VPS13A: variants seen among roughly 807,000 people sequenced by gnomAD.
The protein encoded by VPS13A is intermembrane lipid transfer protein VPS13A.
Under a neutral mutation model 390.9 loss-of-function variants are expected in VPS13A, and 264 were observed. The observed-to-expected ratio is 0.68, with a 90% CI of 0.61 to 0.75. The LOEUF is 0.75. Ranked by LOEUF, VPS13A falls within the 30% of genes least tolerant of loss-of-function variation. VPS13A has a pLI of 0.00. For missense variants in VPS13A, 3,409 were observed against 3,733.9 expected (o/e 0.91, Z 2.27); for synonymous variants, 1,231 against 1,227.1 (o/e 1.00, Z -0.07).
At chr9:77,322,157 C>T (rs1829783231) in intron 44 of VPS13A, among the ~76,000 whole-genome samples, 1 of 150,080 alleles carries the variant, frequency 6.7e-6, no homozygotes, top group Non-Finnish European at 1.5e-5. Flanking sequence ...TGAATTCATG[C>T]AGATGGCAAT....
At chr9:77,244,039 A>G (rs1410614196) in intron 19 of VPS13A, among the ~76,000 whole-genome samples, 1 of 152,080 alleles carries the variant, frequency 6.6e-6, no homozygotes, top group Non-Finnish European at 1.5e-5. Flanking sequence ...GGAGTTGGAG[A>G]CCAGCCTGGA....
Position 77,418,701 on chromosome 9 carries a change from A to G in VPS13A, c.*2695A>G, listed in dbSNP as rs151241026. ...AATCCTAGTCCATTTGGAGGCAACT[A>G]TCCTGTGGCCTCCAAGTGAATAAAT... On this transcript the variant is annotated 3_prime_UTR_variant, in exon 72 of 72. Transcript: ENST00000360280. 9.9e-5 allele frequency: 15 copies of G among 152,206 alleles called. No individual in the cohort carries two copies. The highest frequency in any genetic ancestry group is 3.6e-4 in the African/African-American group (15 of 41,540). The allele number at this position is 152,206 out of a possible 1,614,324, so 9.4% of individuals were successfully genotyped here. A position where few individuals can be genotyped will look rare whatever the true frequency, so the allele number is the denominator to read the frequency against.
At chr9:77,262,351 CA>C (rs1447325889) in intron 23 of VPS13A, among the ~76,000 whole-genome samples, 2 of 151,840 alleles carry the variant, frequency 1.3e-5, no homozygotes, top group Admixed American at 6.6e-5. Flanking sequence ...TCGGGGGTAA[CA>C]GGGGGTTCTT....
At chr9:77,240,055 ATTAC>A (rs1164220169) in intron 19 of VPS13A, among the ~76,000 whole-genome samples, 3 of 151,844 alleles carry the variant, frequency 2.0e-5, no homozygotes, top group Non-Finnish European at 2.9e-5. Flanking sequence ...GTAGTTTACA[ATTAC>A]TTGTGCATTT....
intron 5 of VPS13A, 50 bp from the exon 6 acceptor site, chr9:77,209,373 T>G: frequency 7.8e-7 from 1 of 1,277,646 alleles, no homozygotes. Flanking sequence ...TGGATATTTA[T>G]AGAGTATATT....
chr9:77,281,908 T>C lies in VPS13A; in HGVS notation c.2946T>C (p.Asn982=). 1.3e-6 allele frequency: 2 copies of C among 1,596,532 alleles called. No homozygotes were observed. The highest frequency in any genetic ancestry group is 1.3e-5 in the African/African-American group (1 of 74,588). Residue 982 remains asparagine (N), a synonymous_variant, in exon 28 of 72, where the codon AAT becomes AAC. Coordinates refer to ENST00000360280, the MANE Select transcript of VPS13A (RefSeq NM_033305.3). ...NVPDLKSTYN[N]VLQLIKVNFS... ...CCGACTTGAAAAGTACCTATAACAATGTTTTACAATTGATTAAGGTATGAG... is the reference window on the plus strand; with the variant it reads ...CCGACTTGAAAAGTACCTATAACAACGTTTTACAATTGATTAAGGTATGAG...
intron 65 of VPS13A, 149 bp downstream of exon 65, chr9:77,370,727 C>G: frequency 7.5e-7 from 1 of 1,328,024 alleles, no homozygotes; most frequent in Non-Finnish European, 1.0e-6. Flanking sequence ...TAAAACATGT[C>G]AGTAGCCTCT....
intron 26 of VPS13A, chr9:77,279,733 G>A (rs1826904393): frequency 5.4e-6 from 1 of 183,500 alleles, no homozygotes; most frequent in Non-Finnish European, 1.1e-5. Context: ...AAAACTTAAT[G>A]TTTCATCTCA....
At chr9:77,238,411 G>C in intron 19 of VPS13A, 25 bp downstream of exon 19, 1 of 1,497,610 alleles carries the variant, frequency 6.7e-7, no homozygotes, top group Non-Finnish European at 9.3e-7. Context: ...TAATGTTGGT[G>C]AATTAAATAC....
chr9:77,384,853 A>G, intron 68 of VPS13A: 1 of 1,440,886 alleles, frequency 6.9e-7, no homozygotes, highest in East Asian at 2.5e-5. Context: ...AGCACAGAAA[A>G]AAATGTATCT....
chr9:77,339,185 G>T, intron 47 of VPS13A: 1 of 264,904 alleles, frequency 3.8e-6, no homozygotes, highest in African/African-American at 2.3e-5. Flanking sequence ...GGTTAAGATT[G>T]TCTTTTTGTC....
Position 77,337,393 on chromosome 9 carries a change from C to T in VPS13A, c.6234C>T (p.Leu2078=), listed in dbSNP as rs571822890. 1.7e-5 allele frequency: 28 copies of T among 1,612,618 alleles called. No individual in the cohort carries two copies. In the East Asian group the frequency reaches 5.8e-4, roughly 33 times the overall value. Residue 2078 remains leucine, a synonymous_variant, in exon 47 of 72, where the codon CTC becomes CTT. Transcript: ENST00000360280. The part of the protein sequence containing the change: ...RSKNPSKESF[L]INIVPEKDNL... ...AAAACCCTTCTAAGGAATCATTTCT[C>T]ATTAATATTGTTCCAGAAAAAGATA...
chr9:77,344,765 A>G (rs1322929513), intron 51 of VPS13A, among the ~76,000 whole-genome samples: 1 of 152,048 alleles, frequency 6.6e-6, no homozygotes, highest in African/African-American at 2.4e-5. Flanking sequence ...TCTCAAGAAA[A>G]AAAAAAAAAA....
At position 77,220,327 on chromosome 9, in the gene VPS13A, T is replaced by C. The variant is rs1329887448; in HGVS notation, c.933T>C (p.Asn311=). The part of the protein sequence containing the change: ...LLESVDMMAQ[N]LPYRKFKPDV... ...AATCAGTTGATATGATGGCACAAAA[T>C]CTGCCATATAGGAAGTTCAAACCTG... The change falls in exon 12 of 72, where the codon AAT becomes AAC. Residue 311 remains asparagine (N), a synonymous_variant. Coordinates refer to ENST00000360280, the MANE Select transcript of VPS13A (RefSeq NM_033305.3). The C allele has an allele frequency of 6.2e-7, 1 of 1,612,806 alleles. No individual in the cohort carries two copies. Among genetic ancestry groups the C allele is most frequent in the Non-Finnish European group, 8.5e-7 (1 of 1,179,332 alleles).
At position 77,340,366 on chromosome 9, in the gene VPS13A, A is replaced by G. The variant is rs369532961; in HGVS notation, c.6880-38A>G. 20 of 1,607,734 alleles carry G rather than the reference A, an allele frequency of 1.2e-5. No homozygotes were observed. In the African/African-American group the frequency reaches 2.6e-4, roughly 21 times the overall value. ...TAATTAAATTTTATAAAGATGTTAT[A>G]CATAACAGTTTTTGAGCTGTTAATT... On this transcript the variant is annotated intron_variant, in intron 49 of 71. Transcript: ENST00000360280.
Position 77,227,420 on chromosome 9 carries a change from A to G in VPS13A, c.1387A>G (p.Lys463Glu). The change falls in exon 16 of 72, where the codon AAA becomes GAA. Residue 463 changes from lysine to glutamate, a missense_variant. Transcript: ENST00000360280. ...TGAAGAAATGTTGACACCTGAAGAA[A>G]AAGCTTTACTCTATGAAGCAATTGG... ...TLEEMLTPEE[K>E]ALLYEAIGYS... 1 of 1,613,646 alleles carries G rather than the reference A, an allele frequency of 6.2e-7. No homozygotes were observed. The highest frequency in any genetic ancestry group is 1.1e-5 in the South Asian group (1 of 91,062).
intron 31 of VPS13A, among the ~76,000 whole-genome samples, chr9:77,290,417 G>T (rs1354819995): frequency 2.6e-5 from 4 of 152,074 alleles, no homozygotes; most frequent in Non-Finnish European, 5.9e-5. Context: ...GCTTTTCTGA[G>T]CTACTTGGAT....
chr9:77,212,845 A>C, intron 7 of VPS13A, 124 bp from the exon 8 acceptor site: 1 of 966,414 alleles, frequency 1.0e-6, no homozygotes, highest in Non-Finnish European at 1.6e-6. Context: ...TGATGGAGTG[A>C]TATGTCTTTA....
At chr9:77,251,366 G>A (rs192720617) in intron 21 of VPS13A, among the ~76,000 whole-genome samples, 132 of 152,204 alleles carry the variant, frequency 8.7e-4, no homozygotes, top group Non-Finnish European at 1.6e-3. Context: ...ATCTTGTTAT[G>A]AATTTTTAAA....
Sources: gnomAD v4.1 joint callset for allele counts (sites outside exome capture counted in the v4.1 genomes callset) on GRCh38, gnomAD v4.1.1 for gene constraint, MANE v1.5 for transcripts, NCBI Gene and HGNC (gene_info 2026-07-23, HGNC 2026-07-21) for gene names.